RIT2: variants seen among roughly 807,000 people sequenced by gnomAD.
The protein encoded by RIT2 is Ras like without CAAX 2, also known as GTP-binding protein Rit2.
In RIT2, 24 loss-of-function variants were observed where a neutral mutation model predicts 23.7. The ratio of observed to expected loss-of-function variants is 1.01; its 90% CI spans 0.73 to 1.43. The LOEUF (loss-of-function observed/expected upper bound fraction) is 1.43, where lower values mean the gene tolerates loss of function less well. Among genes scored for constraint, RIT2 ranks in the 40% most tolerant of loss-of-function variants. The pLI is 0.00. For missense variants in RIT2, 236 were observed against 266.9 expected, an observed-to-expected ratio of 0.88 and a Z score of 0.81; for synonymous variants, 107 against 91.1, an observed-to-expected ratio of 1.17 and a Z score of -0.99.
chr18:42,787,978 A>G (rs979431844), intron 4 of RIT2, among the ~76,000 whole-genome samples: 4 of 150,936 alleles, frequency 2.7e-5, no homozygotes, highest in Non-Finnish European at 2.9e-5. Flanking sequence ...AAAAATTAAT[A>G]TGAATGTTAA....
chr18:43,024,517 A>T (rs1288031213), intron 2 of RIT2, among the ~76,000 whole-genome samples: 4 of 152,090 alleles, frequency 2.6e-5, no homozygotes, highest in Non-Finnish European at 5.9e-5. Flanking sequence ...GTAATTCATG[A>T]CTGAGACCTC....
At chr18:42,767,078 GGTTGGAGCCCC>G (rs1567991323) in intron 4 of RIT2, among the ~76,000 whole-genome samples, 6 of 152,336 alleles carry the variant, frequency 3.9e-5, no homozygotes, top group African/African-American at 1.4e-4. Context: ...AGAAGTGTGG[GGTTGGAGCCCC>G]CACACAGAGT....
At chr18:43,074,999 C>G (rs564199343) in intron 1 of RIT2, among the ~76,000 whole-genome samples, 1 of 152,260 alleles carries the variant, frequency 6.6e-6, no homozygotes, top group South Asian at 2.1e-4. Flanking sequence ...CCATTGTACA[C>G]ATTTACCTAT....
Position 42,923,755 on chromosome 18 carries a change from G to A in RIT2, c.243C>T (p.Phe81=). 6.3e-7 allele frequency: 1 copy of A among 1,576,074 alleles called. No individual in the cohort carries two copies. The change falls in exon 4 of 5, where the codon TTC becomes TTT. Residue 81 remains phenylalanine (F), a synonymous_variant. Transcript: ENST00000326695. Reference sequence around the variant, plus strand: ...GCATGTACTGCTCCCGCATGGCTGTGAATTCTGCCTGCAGGAAAAAAAAAA... The same window carrying A: ...GCATGTACTGCTCCCGCATGGCTGTAAATTCTGCCTGCAGGAAAAAAAAAA... ...DILDTAGQAE[F]TAMREQYMRG...
chr18:42,928,124 G>A (rs368931893), intron 3 of RIT2, among the ~76,000 whole-genome samples: 3 of 151,988 alleles, frequency 2.0e-5, no homozygotes, highest in East Asian at 1.9e-4. Flanking sequence ...TTAATAAACC[G>A]CATGTCCACA....
chr18:42,863,381 C>G (rs1373328853), intron 4 of RIT2, among the ~76,000 whole-genome samples: 2 of 152,040 alleles, frequency 1.3e-5, no homozygotes, highest in Non-Finnish European at 2.9e-5. Flanking sequence ...GACCCTTAAC[C>G]TTAATTATCA....
At chr18:42,906,966 G>A (rs1462750781) in intron 4 of RIT2, among the ~76,000 whole-genome samples, 1 of 152,114 alleles carries the variant, frequency 6.6e-6, no homozygotes, top group Non-Finnish European at 1.5e-5. Context: ...AGTAATTGTT[G>A]AATTGCCTTT....
chr18:42,844,456 G>A (rs1906852888), intron 4 of RIT2, among the ~76,000 whole-genome samples: 2 of 152,130 alleles, frequency 1.3e-5, no homozygotes, highest in South Asian at 4.1e-4. Flanking sequence ...GATGGAAGTG[G>A]TTCTCAGTGT....
rs28655465 is a variant in RIT2, at chr18:42,946,757, T to C, written c.235-22994A>G. The stretch of plus-strand genomic sequence containing the variant: ...CATTTTTGCTACAGGAAATTTAAGG[T>C]AAAGTACTCTGCTATTTCAGCAGAG... On this transcript the variant is annotated intron_variant, in intron 3 of 4. Transcript: ENST00000326695. 9.1e-3 allele frequency among the ~76,000 whole-genome samples: 1,379 copies of C among 151,996 alleles called. 37 individuals carry two copies. The highest frequency in any genetic ancestry group is 0.032 in the African/African-American group (1,309 of 41,504).
chr18:42,819,568 T>C (rs1017710664), intron 4 of RIT2, among the ~76,000 whole-genome samples: 2 of 152,112 alleles, frequency 1.3e-5, no homozygotes, highest in Non-Finnish European at 2.9e-5. Flanking sequence ...TACATCTTTA[T>C]GTGTATCTCA....
At position 43,084,047 on chromosome 18, in the gene RIT2, A is replaced by G. The variant is rs1469155311; in HGVS notation, c.103+31370T>C. On this transcript the variant is annotated intron_variant, in intron 1 of 4. Coordinates refer to ENST00000326695, the MANE Select transcript of RIT2 (RefSeq NM_002930.4). ...ACAAATAAATTTCCAAAAAATGCCC[A>G]AACAACCCCATCAAAAAGTGGGCAA... is the stretch of plus-strand genomic sequence containing the variant. Among the ~76,000 whole-genome samples the G allele has an allele frequency of 3.3e-5, 5 of 152,188 alleles. No homozygotes were observed. In the East Asian group the frequency reaches 9.6e-4, roughly 29 times the overall value.
At chr18:42,757,903 G>A (rs1913201589) in intron 4 of RIT2, among the ~76,000 whole-genome samples, 1 of 152,190 alleles carries the variant, frequency 6.6e-6, no homozygotes, top group South Asian at 2.1e-4. Flanking sequence ...AAACTCATCT[G>A]TATTATTAGA....
intron 4 of RIT2, among the ~76,000 whole-genome samples, chr18:42,833,831 AAAAAT>A (rs144356017): frequency 3.4e-4 from 51 of 151,782 alleles, no homozygotes; most frequent in African/African-American, 7.0e-4. Context: ...AAAAACAAAG[AAAAAT>A]AAAATAAAAT....
chr18:43,062,712 T>C (rs901003611), intron 1 of RIT2, among the ~76,000 whole-genome samples: 5 of 152,126 alleles, frequency 3.3e-5, no homozygotes, highest in African/African-American at 1.2e-4. Context: ...AATATACTTT[T>C]GATAAATATG....
intron 1 of RIT2, among the ~76,000 whole-genome samples, chr18:43,038,574 C>T (rs891367303): frequency 6.6e-6 from 1 of 152,022 alleles, no homozygotes; most frequent in Non-Finnish European, 1.5e-5. Flanking sequence ...TCTTTTCCTA[C>T]AATTTCTTTT....
intron 2 of RIT2, among the ~76,000 whole-genome samples, chr18:43,032,985 TG>T (rs965390420): frequency 5.4e-4 from 82 of 152,170 alleles, no homozygotes; most frequent in African/African-American, 1.9e-3. Flanking sequence ...GGGTAAGTAA[TG>T]GGGAGTGGTT....
rs1292695936 is a variant in RIT2, at chr18:42,785,478, T to C, written c.427-41758A>G. On this transcript the variant is annotated intron_variant, in intron 4 of 4. Coordinates refer to ENST00000326695, the MANE Select transcript of RIT2 (RefSeq NM_002930.4). The stretch of plus-strand genomic sequence containing the variant: ...TTTTTTTTAATTTAAATTATATTTC[T>C]AGATTCATCCAACTCCAGCTATGAC... Among the ~76,000 whole-genome samples the C allele has an allele frequency of 4.6e-5, 7 of 152,032 alleles. No homozygotes were observed. The East Asian group carries it at 1.2e-3, about 25-fold the overall frequency.
chr18:43,062,827 G>A (rs1288830064), intron 1 of RIT2, among the ~76,000 whole-genome samples: 1 of 152,112 alleles, frequency 6.6e-6, no homozygotes, highest in Non-Finnish European at 1.5e-5. Context: ...CACGCAAATG[G>A]TGATTCAGAG....
intron 1 of RIT2, among the ~76,000 whole-genome samples, chr18:43,047,376 A>G (rs1912273958): frequency 6.6e-6 from 1 of 152,096 alleles, no homozygotes; most frequent in African/African-American, 2.4e-5. Context: ...CAAATTATAG[A>G]ATTAAAAATT....
Sources: gnomAD v4.1 joint callset for allele counts (sites outside exome capture counted in the v4.1 genomes callset) on GRCh38, gnomAD v4.1.1 for gene constraint, MANE v1.5 for transcripts, NCBI Gene and HGNC (gene_info 2026-07-23, HGNC 2026-07-21) for gene names.